The following TOP6BL variants were observed in gnomAD, a reference collection of about 807,000 sequenced individuals.
TOP6BL encodes the protein type 2 DNA topoisomerase 6 subunit B-like.
chr11:66,813,979 T>C, the TOP6BL span: 7 of 1,613,710 alleles, frequency 4.3e-6, no homozygotes, highest in Non-Finnish European at 5.9e-6. Flanking sequence ...ATACCATTTG[T>C]GTATGATACC....
the TOP6BL span, among the ~76,000 whole-genome samples, chr11:66,825,928 G>A: frequency 3.3e-5 from 5 of 151,228 alleles, no homozygotes; most frequent in East Asian, 2.0e-4. Context: ...TGCAAGCTCC[G>A]CCTCTCAGGT....
the TOP6BL span, among the ~76,000 whole-genome samples, chr11:66,779,774 A>G: frequency 6.6e-6 from 1 of 152,194 alleles, no homozygotes; most frequent in Admixed American, 6.5e-5. Flanking sequence ...AATGTCCAAC[A>G]ATGATAGACT....
At chr11:66,753,974 G>C in the TOP6BL span, among the ~76,000 whole-genome samples, 1 of 152,206 alleles carries the variant, frequency 6.6e-6, no homozygotes, top group African/African-American at 2.4e-5. Flanking sequence ...CAAAGTGCTG[G>C]GATTACAGGC....
the TOP6BL span, among the ~76,000 whole-genome samples, chr11:66,820,352 G>A: frequency 2.6e-5 from 4 of 152,138 alleles, no homozygotes; most frequent in African/African-American, 9.7e-5. Context: ...CCAGTTTTAG[G>A]CTGCTTCCCA....
chr11:66,825,589 C>T, the TOP6BL span, among the ~76,000 whole-genome samples: 15 of 152,104 alleles, frequency 9.9e-5, no homozygotes, highest in African/African-American at 3.4e-4. Flanking sequence ...GGAGGGCCCT[C>T]ACCAGAACCT....
chr11:66,746,884 TC>T, the TOP6BL span, among the ~76,000 whole-genome samples: 2 of 151,364 alleles, frequency 1.3e-5, no homozygotes, highest in Non-Finnish European at 2.9e-5. Context: ...GTCCCCTCTC[TC>T]CCCCCAAAAA....
At chr11:66,825,362 G>C in the TOP6BL span, among the ~76,000 whole-genome samples, 296 of 151,256 alleles carry the variant, frequency 2.0e-3, no homozygotes, top group African/African-American at 6.5e-3. Flanking sequence ...GTGGTGGCAG[G>C]CGCCTGTAAT....
At chr11:66,756,138 AT>A in the TOP6BL span, among the ~76,000 whole-genome samples, 1 of 152,208 alleles carries the variant, frequency 6.6e-6, no homozygotes. Flanking sequence ...TATGATTTTC[AT>A]GATGTTTCCC....
At chr11:66,805,289 T>C in the TOP6BL span, among the ~76,000 whole-genome samples, 1 of 152,002 alleles carries the variant, frequency 6.6e-6, no homozygotes, top group Non-Finnish European at 1.5e-5. Context: ...TAAAGTGTGG[T>C]AGGCACGGAA....
the TOP6BL span, among the ~76,000 whole-genome samples, chr11:66,773,861 C>T: frequency 3.3e-5 from 5 of 151,988 alleles, no homozygotes; most frequent in East Asian, 3.9e-4. Flanking sequence ...CTCAGCCTCC[C>T]GAGTAGCTGG....
the TOP6BL span, chr11:66,771,393 TCA>T: frequency 6.6e-6 from 1 of 152,106 alleles, no homozygotes; most frequent in Non-Finnish European, 1.5e-5. Flanking sequence ...GGTGGGCGGA[TCA>T]TGAGGTCAGG....
the TOP6BL span, chr11:66,761,935 A>C: frequency 6.7e-7 from 1 of 1,494,746 alleles, no homozygotes; most frequent in Non-Finnish European, 9.3e-7. Flanking sequence ...GTTGATATCA[A>C]TTCAGGGTCT....
chr11:66,765,812 G>T, the TOP6BL span, among the ~76,000 whole-genome samples: 1 of 152,202 alleles, frequency 6.6e-6, no homozygotes, highest in Non-Finnish European at 1.5e-5. Flanking sequence ...CACTGTGCCT[G>T]GCCTAGTTAT....
chr11:66,755,268 G>A, the TOP6BL span, among the ~76,000 whole-genome samples: 1 of 151,954 alleles, frequency 6.6e-6, no homozygotes, highest in Non-Finnish European at 1.5e-5. Flanking sequence ...CTACAGGTGT[G>A]TGCCACCATG....
the TOP6BL span, among the ~76,000 whole-genome samples, chr11:66,833,840 C>G: frequency 2.6e-5 from 4 of 151,746 alleles, no homozygotes. Flanking sequence ...CCCAGCTACT[C>G]AGGAGGGTGA....
At chr11:66,825,526 C>T in the TOP6BL span, among the ~76,000 whole-genome samples, 1 of 151,344 alleles carries the variant, frequency 6.6e-6, no homozygotes, top group Admixed American at 6.6e-5. Flanking sequence ...GAGACCCTTG[C>T]CCCTTCTGCC....
chr11:66,755,121 ATT>A, the TOP6BL span, among the ~76,000 whole-genome samples: 31 of 140,682 alleles, frequency 2.2e-4, no homozygotes, highest in South Asian at 6.9e-4. Context: ...TAGTTTCTAG[ATT>A]TTTTTTTTTT....
At chr11:66,764,260 T>A in the TOP6BL span, among the ~76,000 whole-genome samples, 2 of 152,120 alleles carry the variant, frequency 1.3e-5, no homozygotes, top group East Asian at 3.9e-4. Context: ...AAGTTTTTCC[T>A]TGTTCATTTT....
chr11:66,800,780 C>T, the TOP6BL span: 1 of 1,267,766 alleles, frequency 7.9e-7, no homozygotes, highest in Admixed American at 2.6e-5. Context: ...CCAAAAGGTT[C>T]ACAGTTTGAT....
Sources: allele counts gnomAD v4.1 joint callset (sites outside exome capture counted in the v4.1 genomes callset), GRCh38; gene constraint gnomAD v4.1.1; transcripts MANE v1.5; gene names NCBI Gene and HGNC (gene_info 2026-07-23, HGNC 2026-07-21).